Variants in DCAF8L2 observed in about 807,000 individuals in gnomAD.
The protein encoded by DCAF8L2 is DDB1- and CUL4-associated factor 8-like protein 2.
For synonymous variants in DCAF8L2, 200 were observed against 190.9 expected (o/e 1.05, Z -0.39); for missense variants, 430 against 490.7 (o/e 0.88, Z 1.17).
At chrX:27,598,013 A>C (rs868111426) in intron 1 of DCAF8L2, among the ~76,000 whole-genome samples, 1 of 111,975 alleles carries the variant, frequency 8.9e-6, no homozygotes, top group African/African-American at 3.3e-5. Context: ...ACCTTCAAAT[A>C]TTCAAATTAT....
chrX:27,689,435 G>A (rs1248978261), intron 3 of DCAF8L2, among the ~76,000 whole-genome samples: 4 of 111,902 alleles, frequency 3.6e-5, no homozygotes, highest in African/African-American at 9.7e-5. Context: ...TAGTAGAGAC[G>A]GGTTTCATCA....
chrX:27,632,486 T>A (rs1328549679), intron 2 of DCAF8L2: 2 of 111,599 alleles, frequency 1.8e-5, no homozygotes, highest in African/African-American at 3.3e-5. Flanking sequence ...TTTCATCTTT[T>A]GTGTACTCCT....
intron 4 of DCAF8L2, among the ~76,000 whole-genome samples, chrX:27,716,478 C>A (rs1239896291): frequency 1.8e-5 from 2 of 112,274 alleles, no homozygotes; most frequent in African/African-American, 6.5e-5. Flanking sequence ...AATGACACAA[C>A]AATAATCAGA....
chrX:27,532,266 A>AT, the DCAF8L2 span, among the ~76,000 whole-genome samples: 1 of 110,966 alleles, frequency 9.0e-6, no homozygotes, highest in Non-Finnish European at 1.9e-5. Context: ...CTGGGAAAGT[A>AT]TAAGATGAGC....
At chrX:27,598,345 AC>A (rs750658198) in intron 1 of DCAF8L2, among the ~76,000 whole-genome samples, 5 of 108,164 alleles carry the variant, frequency 4.6e-5, no homozygotes, top group East Asian at 2.9e-4. Context: ...ATGTAATATA[AC>A]CCCCCCCACC....
At chrX:27,712,730 C>T (rs1931570399) in intron 3 of DCAF8L2, 1 of 111,583 alleles carries the variant, frequency 9.0e-6, no homozygotes, top group Non-Finnish European at 1.9e-5. Flanking sequence ...TGTACAGTTT[C>T]TAGAGCCCCA....
At chrX:27,502,910 C>G in the DCAF8L2 span, among the ~76,000 whole-genome samples, 1 of 111,821 alleles carries the variant, frequency 8.9e-6, no homozygotes, top group Non-Finnish European at 1.9e-5. Flanking sequence ...GTCCACCATC[C>G]TAATCAAGTG....
At chrX:27,647,146 C>T (rs1007175033) in intron 2 of DCAF8L2, among the ~76,000 whole-genome samples, 1 of 111,833 alleles carries the variant, frequency 8.9e-6, no homozygotes, top group Admixed American at 9.5e-5. Context: ...ATAGCAAACA[C>T]ATGGAATCAA....
the DCAF8L2 span, among the ~76,000 whole-genome samples, chrX:27,540,476 G>A: frequency 9.0e-5 from 10 of 111,243 alleles, no homozygotes; most frequent in Non-Finnish European, 1.5e-4. Context: ...TGCACAGAAC[G>A]ATAAATACTG....
At chrX:27,527,063 G>T in the DCAF8L2 span, among the ~76,000 whole-genome samples, 2 of 112,185 alleles carry the variant, frequency 1.8e-5, no homozygotes, top group Non-Finnish European at 3.8e-5. Context: ...GTCAGACAGG[G>T]ACATTTAAGT....
chrX:27,580,039 T>C, the DCAF8L2 span, among the ~76,000 whole-genome samples: 1 of 110,753 alleles, frequency 9.0e-6, no homozygotes, highest in Non-Finnish European at 1.9e-5. Context: ...TAGTTTCTAA[T>C]ATGCTAACTA....
chrX:27,677,999 A>T (rs1387005454), intron 3 of DCAF8L2, 87 bp downstream of exon 3: 1 of 111,554 alleles, frequency 9.0e-6, no homozygotes, highest in Non-Finnish European at 1.9e-5. Context: ...ACATATGATT[A>T]TAGAGATAGA....
chrX:27,723,523 T>C (rs1337743036), intron 4 of DCAF8L2, among the ~76,000 whole-genome samples: 1 of 111,684 alleles, frequency 9.0e-6, no homozygotes, highest in Admixed American at 9.6e-5. Flanking sequence ...ACACACTCTA[T>C]AGAGAAGCTT....
the DCAF8L2 span, among the ~76,000 whole-genome samples, chrX:27,574,747 G>T: frequency 9.0e-6 from 1 of 111,506 alleles, no homozygotes; most frequent in Non-Finnish European, 1.9e-5. Flanking sequence ...TCGCAGGTGT[G>T]CGATGGGGGT....
chrX:27,730,079 A>G (rs957033964), intron 4 of DCAF8L2, among the ~76,000 whole-genome samples: 19 of 111,799 alleles, frequency 1.7e-4, no homozygotes, highest in South Asian at 3.7e-4. Context: ...CACTTACTAC[A>G]TAATCCTCGT....
At chrX:27,551,506 T>C in the DCAF8L2 span, among the ~76,000 whole-genome samples, 1 of 111,253 alleles carries the variant, frequency 9.0e-6, no homozygotes, top group African/African-American at 3.3e-5. Context: ...GAAAAAAATG[T>C]TATTCACTTT....
At chrX:27,523,409 AGTGTGTGTGTGT>A in the DCAF8L2 span, among the ~76,000 whole-genome samples, 4 of 96,519 alleles carry the variant, frequency 4.1e-5, no homozygotes, top group South Asian at 1.7e-3. Flanking sequence ...CTGTCTACTG[AGTGTGTGTGTGT>A]GTGTGTGTGT....
chrX:27,621,681 G>A (rs1191511820), intron 1 of DCAF8L2, among the ~76,000 whole-genome samples: 5 of 111,650 alleles, frequency 4.5e-5, no homozygotes, highest in Non-Finnish European at 7.5e-5. Flanking sequence ...AGGCTAGGAT[G>A]TGTGCAATAG....
chrX:27,489,720 A>C, the DCAF8L2 span, among the ~76,000 whole-genome samples: 2 of 111,662 alleles, frequency 1.8e-5, no homozygotes, highest in African/African-American at 6.5e-5. Context: ...TGAAATTGCC[A>C]AACTATTTTC....
Sources: allele counts gnomAD v4.1 joint callset (sites outside exome capture counted in the v4.1 genomes callset), GRCh38; gene constraint gnomAD v4.1.1; transcripts MANE v1.5; gene names NCBI Gene and HGNC (gene_info 2026-07-23, HGNC 2026-07-21).